The following RAI1 variants were observed in gnomAD, a reference collection of about 807,000 sequenced individuals.
RAI1 encodes the protein retinoic acid induced 1.
In RAI1, 9 loss-of-function variants were observed where a neutral mutation model predicts 123.8. That is an observed-to-expected ratio of 0.07 (90% CI 0.04 to 0.13). The LOEUF (loss-of-function observed/expected upper bound fraction) is 0.13. RAI1 is among the 10% of genes least tolerant of loss of function. RAI1 has a pLI of 1.00. For missense variants in RAI1, 2,256 were observed against 2,545.8 expected, an observed-to-expected ratio of 0.89 and a Z score of 2.45; for synonymous variants, 1,231 against 1,127.3, an observed-to-expected ratio of 1.09 and a Z score of -1.84.
chr17:17,782,894 A>T (rs1317039482), intron 2 of RAI1, among the ~76,000 whole-genome samples: 1 of 151,928 alleles, frequency 6.6e-6, no homozygotes, highest in Non-Finnish European at 1.5e-5. Flanking sequence ...GTGGGGAGGG[A>T]GCTGCGGAGG....
At chr17:17,771,641 C>T (rs971044178) in intron 2 of RAI1, among the ~76,000 whole-genome samples, 11 of 152,194 alleles carry the variant, frequency 7.2e-5, no homozygotes, top group African/African-American at 1.9e-4. Flanking sequence ...CCATGGCCAC[C>T]GCCTCCCGCC....
Position 17,811,179 on chromosome 17 carries a change from TACATATG to T in RAI1, c.*1201_*1207del, listed in dbSNP as rs1423986823. 3.2e-6 allele frequency: 1 copy of T among 316,550 alleles called. No homozygotes were observed. Among genetic ancestry groups the T allele is most frequent in the Middle Eastern group, 1.0e-3 (1 of 956 alleles). 19.6% of individuals were successfully genotyped at this position (316,550 alleles called of 1,614,324 possible). On this transcript the variant is annotated 3_prime_UTR_variant, in exon 6 of 6. Transcript: ENST00000353383. The stretch of plus-strand genomic sequence containing the variant: ...CCAGGGCCGCCCTAGCAACTTCCTG[TACATATG>T]ACTGTAAAATGGTAAACGTGTGTAT...
chr17:17,738,287 TGA>T (rs1371909040), intron 2 of RAI1, among the ~76,000 whole-genome samples: 2 of 71,326 alleles, frequency 2.8e-5, no homozygotes, highest in African/African-American at 1.1e-4. Context: ...TGGCGGGCAC[TGA>T]GGGGTGGGCT....
At chr17:17,735,143 C>T (rs1182530679) in intron 2 of RAI1, among the ~76,000 whole-genome samples, 2 of 152,048 alleles carry the variant, frequency 1.3e-5, no homozygotes, top group Middle Eastern at 3.2e-3. Flanking sequence ...ACCTCTGCCT[C>T]CCGGGTTCAA....
chr17:17,796,945 G>A lies in RAI1; in HGVS notation c.3997G>A (p.Val1333Met), dbSNP rs1327164444. Residue 1333 changes from valine to methionine, a missense_variant, in exon 3 of 6, where the codon GTG becomes ATG. Physicochemically the swap from Val to Met is conservative, Grantham distance 21. Coordinates refer to ENST00000353383, the MANE Select transcript of RAI1 (RefSeq NM_030665.4). The surrounding 1 kb of genome is among the most constrained non-coding windows in gnomAD (Gnocchi z 5.8). ...CCGGGGCCTGAAGCTGGAAGCCATC[G>A]TGCAGAAGATCACCTCGCCCAGCCT... The part of the protein sequence containing the change: ...KGRGLKLEAI[V>M]QKITSPSLKK... The A allele has an allele frequency of 6.2e-7, 1 of 1,613,654 alleles. No individual in the cohort carries two copies. Among genetic ancestry groups the A allele is most frequent in the Non-Finnish European group, 8.5e-7 (1 of 1,180,038 alleles).
chr17:17,724,404 TCC>T (rs1916004929), intron 2 of RAI1, among the ~76,000 whole-genome samples: 1 of 119,254 alleles, frequency 8.4e-6, no homozygotes, highest in Non-Finnish European at 1.8e-5. Flanking sequence ...TTTCTTTCTT[TCC>T]TTTTTTTTTT....
intron 2 of RAI1, among the ~76,000 whole-genome samples, chr17:17,750,708 A>AG (rs895399140): frequency 1.3e-5 from 2 of 151,800 alleles, no homozygotes; most frequent in African/African-American, 4.8e-5. Flanking sequence ...AAAAAAAAAA[A>AG]AAAAAGAAAA....
At chr17:17,726,450 A>G (rs906158929) in intron 2 of RAI1, among the ~76,000 whole-genome samples, 1 of 152,232 alleles carries the variant, frequency 6.6e-6, no homozygotes, top group African/African-American at 2.4e-5. Context: ...CTCATGCCCT[A>G]TGGCACAACC....
In RAI1 at chr17:17,785,592, C is replaced by G. The variant is rs557190745; in HGVS notation, c.-16-7341C>G. On this transcript the variant is annotated intron_variant, in intron 2 of 5. Transcript: ENST00000353383. The stretch of plus-strand genomic sequence containing the variant: ...CAGGAGAGTTGGGGTGGCGCCTCGC[C>G]CGGTGTCTGGTGTGGAATGCCACAG... Among the ~76,000 whole-genome samples, 13 of 152,304 alleles carry G rather than the reference C, an allele frequency of 8.5e-5. No homozygotes were observed. The South Asian group carries it at 2.5e-3, about 29-fold the overall frequency.
intron 2 of RAI1, chr17:17,778,794 G>A (rs1217194109): frequency 4.4e-6 from 2 of 456,746 alleles, no homozygotes; most frequent in Admixed American, 2.3e-5. Flanking sequence ...GCAGTTCTGG[G>A]GCCAGGCCAA....
At chr17:17,789,381 C>G (rs1468240167) in intron 2 of RAI1, among the ~76,000 whole-genome samples, 2 of 152,258 alleles carry the variant, frequency 1.3e-5, no homozygotes, top group African/African-American at 4.8e-5. Context: ...TTGCTCCCGC[C>G]TCAGCAGTCC....
chr17:17,741,251 AAGAG>A (rs1916625983), intron 2 of RAI1, among the ~76,000 whole-genome samples: 1 of 152,146 alleles, frequency 6.6e-6, no homozygotes, highest in Non-Finnish European at 1.5e-5. Context: ...CAGAGAAAAA[AAGAG>A]AGAGAAAGGA....
At chr17:17,754,628 T>C (rs1278566421) in intron 2 of RAI1, among the ~76,000 whole-genome samples, 1 of 152,222 alleles carries the variant, frequency 6.6e-6, no homozygotes, top group Non-Finnish European at 1.5e-5. Context: ...GCCTTAGCCA[T>C]GGGAAACCGG....
At chr17:17,741,855 A>G (rs1044388975) in intron 2 of RAI1, among the ~76,000 whole-genome samples, 2 of 152,254 alleles carry the variant, frequency 1.3e-5, no homozygotes, top group Non-Finnish European at 2.9e-5. Flanking sequence ...CTTCGGTGCC[A>G]GTGGAAGGGG....
intron 2 of RAI1, chr17:17,779,639 TCATTATCATAATTCTG>T (rs1281174428): frequency 6.6e-6 from 1 of 152,208 alleles, no homozygotes; most frequent in African/African-American, 2.4e-5. Flanking sequence ...GACTTAGGCC[TCATTATCATAATTCTG>T]CAGCCCCAGG....
intron 2 of RAI1, among the ~76,000 whole-genome samples, chr17:17,784,592 A>G (rs1036064273): frequency 1.3e-5 from 2 of 152,170 alleles, no homozygotes; most frequent in African/African-American, 4.8e-5. Context: ...CGTTGCCCTT[A>G]ACAGCTGGTC....
At chr17:17,699,028 G>C (rs191385748) in intron 1 of RAI1, among the ~76,000 whole-genome samples, 17 of 152,368 alleles carry the variant, frequency 1.1e-4, no homozygotes, top group Admixed American at 5.2e-4. Context: ...GGAGTCCTGT[G>C]CTTAGACTGG....
intron 2 of RAI1, chr17:17,778,472 C>G: frequency 3.1e-6 from 1 of 318,466 alleles, no homozygotes; most frequent in African/African-American, 2.2e-5. Flanking sequence ...CTTAGGCACA[C>G]AAAGCACAGA....
chr17:17,796,027 C>A lies in RAI1; in HGVS notation c.3079C>A (p.Pro1027Thr). ...AGTGCTGCCCAAAGACCTCTTGCTC[C>A]CTGAATCCTGCACAGGGCCCCCCCA... is the stretch of plus-strand genomic sequence containing the variant. ...APVLPKDLLL[P>T]ESCTGPPQGQ... The change falls in exon 3 of 6, where the codon CCT becomes ACT. Residue 1027 changes from proline to threonine, a missense_variant. Around this residue, in one of 7 missense-constraint regions of RAI1, gnomAD observed 566 missense variants for 616.0 expected, o/e 0.92. Transcript: ENST00000353383. The surrounding 1 kb of genome is among the most constrained non-coding windows in gnomAD (Gnocchi z 5.8). 1 of 1,591,396 alleles carries A rather than the reference C, an allele frequency of 6.3e-7. No individual in the cohort carries two copies. The highest frequency in any genetic ancestry group is 2.3e-5 in the East Asian group (1 of 43,888).
Sources: gnomAD v4.1 joint callset for allele counts (sites outside exome capture counted in the v4.1 genomes callset) on GRCh38, gnomAD v4.1.1 for gene constraint, gnomAD v4.1.1 regional missense constraint, Gnocchi (gnomAD v3.1) non-coding constraint, MANE v1.5 for transcripts, NCBI Gene and HGNC (gene_info 2026-07-23, HGNC 2026-07-21) for gene names.